The following CXCL12 variants were observed in gnomAD, a reference collection of about 807,000 sequenced individuals.
CXCL12 encodes the protein C-X-C motif chemokine ligand 12, also known as stromal cell-derived factor 1.
In CXCL12, 4 loss-of-function variants were observed where a neutral mutation model predicts 10.7. The observed-to-expected ratio is 0.37, with a 90% CI of 0.18 to 0.86. The LOEUF is 0.86. CXCL12 is among the 40% of genes least tolerant of loss of function. CXCL12 has a pLI of 0.43. For synonymous variants in CXCL12, 54 were observed against 45.4 expected, an observed-to-expected ratio of 1.19 and a Z score of -0.77; for missense variants, 122 against 110.4, an observed-to-expected ratio of 1.10 and a Z score of -0.47.
chr10:44,385,095 G>A lies in CXCL12; in HGVS notation c.-90C>T, dbSNP rs1839770987. 3.1e-6 allele frequency: 3 copies of A among 970,858 alleles called. No individual in the cohort carries two copies. Among genetic ancestry groups the A allele is most frequent in the South Asian group, 2.0e-5 (1 of 49,992 alleles). The allele number at this position is 970,858 out of a possible 1,614,324, so 60.1% of individuals were successfully genotyped here. A position where few individuals can be genotyped will look rare whatever the true frequency, so the allele number is the denominator to read the frequency against. On this transcript the variant is annotated 5_prime_UTR_variant, in exon 1 of 3. Transcript: ENST00000343575. ...TGCGGCTGACGGAGAGTGAAAGTGC[G>A]GCGGTGGGAGGCGCGCGCCGGGCGC...
At chr10:44,372,605 T>C (rs556392863), downstream of CXCL12, 13 of 1,283,294 alleles carry the variant, frequency 1.0e-5, no homozygotes, top group East Asian at 3.4e-4. Context: ...ACAGTTTACA[T>C]GAAAGCTTTG....
chr10:44,385,008 CGCGGGCGG>C lies in CXCL12; in HGVS notation c.-11_-4del, dbSNP rs76444314. On this transcript the variant is annotated 5_prime_UTR_variant, in exon 1 of 3. Transcript: ENST00000343575. ...ACGACCACGACCTTGGCGTTCATGG[CGCGGGCGG>C]GCGGGCGGGCGGGCGGACGAGCGCG... 1,169 of 409,864 alleles carry C rather than the reference CGCGGGCGG, an allele frequency of 2.9e-3. 43 individuals are homozygous for C. The highest frequency in any genetic ancestry group is 3.0e-3 in the Middle Eastern group (4 of 1,340). 25.4% of individuals were successfully genotyped at this position (409,864 alleles called of 1,614,324 possible).
downstream of CXCL12, chr10:44,371,379 T>A: frequency 2.1e-6 from 1 of 476,294 alleles, no homozygotes; most frequent in East Asian, 5.8e-5. Context: ...ACGTGACAGA[T>A]TTTAAAATAT....
At chr10:44,384,877 G>C in intron 1 of CXCL12, 68 bp downstream of exon 1, 1 of 1,456,700 alleles carries the variant, frequency 6.9e-7, no homozygotes, top group South Asian at 1.2e-5. Context: ...CAGAGGAGCC[G>C]CGGCTCTGCG....
chr10:44,375,772 A>G (rs1839432351), downstream of CXCL12: 3 of 1,369,122 alleles, frequency 2.2e-6, no homozygotes, highest in Non-Finnish European at 2.9e-6. Context: ...TAAAAAGCAC[A>G]TAAATACAGA....
Position 44,378,469 on chromosome 10 carries a change from C to A in CXCL12, c.*164G>T. On this transcript the variant is annotated 3_prime_UTR_variant, in exon 3 of 3. Coordinates refer to ENST00000343575, the MANE Select transcript of CXCL12 (RefSeq NM_199168.4). Reference sequence around the variant, plus strand: ...ATGCTATAAATGCAGGGTCTAAATGCTGGCAAACCTCAGGCCCGATCCCAG... The same window carrying A: ...ATGCTATAAATGCAGGGTCTAAATGATGGCAAACCTCAGGCCCGATCCCAG... The A allele has an allele frequency of 1.3e-6, 2 of 1,535,530 alleles. No individual in the cohort carries two copies. Among genetic ancestry groups the A allele is most frequent in the South Asian group, 1.2e-5 (1 of 82,116 alleles).
downstream of CXCL12, chr10:44,371,733 CAT>C (rs1320676087): frequency 2.0e-5 from 3 of 152,520 alleles, no homozygotes; most frequent in South Asian, 2.1e-4. Context: ...CTACATGTTA[CAT>C]AGTTTCCTTG....
intron 1 of CXCL12, 54 bp downstream of exon 1, chr10:44,384,891 G>T: frequency 6.7e-7 from 1 of 1,496,628 alleles, no homozygotes; most frequent in Admixed American, 2.0e-5. Flanking sequence ...CTCTGCGCCG[G>T]GCGGGAGCCG....
downstream of CXCL12, chr10:44,371,499 A>C: frequency 4.4e-6 from 1 of 226,264 alleles, no homozygotes; most frequent in South Asian, 4.6e-5. Flanking sequence ...ATAACTAGTA[A>C]AGATCCCTCA....
At chr10:44,375,874 G>C (rs999234663), downstream of CXCL12, 11 of 1,604,902 alleles carry the variant, frequency 6.9e-6, no homozygotes, top group African/African-American at 1.5e-4. Context: ...CCTGGAGGAG[G>C]ATCGAGCAAA....
At chr10:44,373,385 C>A (rs1400217970), downstream of CXCL12, 2 of 1,555,782 alleles carry the variant, frequency 1.3e-6, no homozygotes, top group South Asian at 2.3e-5. Context: ...AGGCAGGTTC[C>A]CCCCACACCC....
Position 44,377,336 on chromosome 10 carries a change from A to G in CXCL12, c.*1297T>C. Reference sequence around the variant, plus strand: ...CTGACATTCATATGGCTCCACTTCAAATATATGAATTGTTCGACTATAAAT... The same window carrying G: ...CTGACATTCATATGGCTCCACTTCAGATATATGAATTGTTCGACTATAAAT... On this transcript the variant is annotated 3_prime_UTR_variant, in exon 3 of 3. Coordinates refer to ENST00000343575, the MANE Select transcript of CXCL12 (RefSeq NM_199168.4). 1 of 1,042,212 alleles carries G rather than the reference A, an allele frequency of 9.6e-7. No individual in the cohort carries two copies. The highest frequency in any genetic ancestry group is 1.2e-6 in the Non-Finnish European group (1 of 864,486). The allele number at this position is 1,042,212 out of a possible 1,614,324, so 64.6% of individuals were successfully genotyped here.
intron 1 of CXCL12, 38 bp downstream of exon 1, chr10:44,384,907 C>T: frequency 6.6e-7 from 1 of 1,517,628 alleles, no homozygotes; most frequent in Non-Finnish European, 8.7e-7. Flanking sequence ...AGCCGAAGCC[C>T]AGAGCCTCGC....
chr10:44,383,822 C>T (rs761883501), intron 1 of CXCL12, among the ~76,000 whole-genome samples: 7 of 152,196 alleles, frequency 4.6e-5, no homozygotes, highest in Non-Finnish European at 8.8e-5. Flanking sequence ...CACGTCTGCA[C>T]CAACCCAGCC....
intron 2 of CXCL12, among the ~76,000 whole-genome samples, chr10:44,379,556 A>C (rs899156395): frequency 1.3e-5 from 2 of 152,168 alleles, no homozygotes; most frequent in African/African-American, 4.8e-5. Flanking sequence ...GGGAGTCTTC[A>C]AGCAGCCTGT....
intron 2 of CXCL12, among the ~76,000 whole-genome samples, chr10:44,379,589 G>T (rs1458757722): frequency 6.6e-6 from 1 of 152,178 alleles, no homozygotes; most frequent in African/African-American, 2.4e-5. Context: ...GAGGGGTGCA[G>T]AGATGGGTGT....
At position 44,378,116 on chromosome 10, in the gene CXCL12, C is replaced by T; in HGVS notation, c.*517G>A. 17 of 1,445,386 alleles carry T rather than the reference C, an allele frequency of 1.2e-5. No individual in the cohort carries two copies. The South Asian group carries it at 2.5e-4, about 21-fold the overall frequency. The allele number at this position is 1,445,386 out of a possible 1,614,324, so 89.5% of individuals were successfully genotyped here. A position where few individuals can be genotyped will look rare whatever the true frequency, so the allele number is the denominator to read the frequency against. The stretch of plus-strand genomic sequence containing the variant: ...GTATCTGAGTGCCACAGAGGCCTTC[C>T]TCTTGGGAGGGGCGCTGCTGCGGGA... On this transcript the variant is annotated 3_prime_UTR_variant, in exon 3 of 3. Coordinates refer to ENST00000343575, the MANE Select transcript of CXCL12 (RefSeq NM_199168.4).
chr10:44,374,060 T>C (rs1839387735), downstream of CXCL12, among the ~76,000 whole-genome samples: 1 of 152,174 alleles, frequency 6.6e-6, no homozygotes, highest in Non-Finnish European at 1.5e-5. Flanking sequence ...TAAACCACAG[T>C]GAGCCCCCAG....
rs1839484336 is a variant in CXCL12, at chr10:44,377,298, G to A, written c.*1335C>T. On this transcript the variant is annotated 3_prime_UTR_variant, in exon 3 of 3. Coordinates refer to ENST00000343575, the MANE Select transcript of CXCL12 (RefSeq NM_199168.4). ...ATTGCCAGTAGTTTGAGATAATAGA[G>A]AAGTATAAACTACTGACATTCATAT... 16 of 1,002,260 alleles carry A rather than the reference G, an allele frequency of 1.6e-5. No homozygotes were observed. The highest frequency in any genetic ancestry group is 5.5e-5 in the Admixed American group (1 of 18,294). The allele number at this position is 1,002,260 out of a possible 1,614,324, so 62.1% of individuals were successfully genotyped here.
Sources: gnomAD v4.1 joint callset for allele counts (sites outside exome capture counted in the v4.1 genomes callset) on GRCh38, gnomAD v4.1.1 for gene constraint, MANE v1.5 for transcripts, NCBI Gene and HGNC (gene_info 2026-07-23, HGNC 2026-07-21) for gene names.